FBXW7: variants seen among roughly 807,000 people sequenced by gnomAD.
FBXW7 encodes F-box/WD repeat-containing protein 7.
In FBXW7, 11 loss-of-function variants were observed where a neutral mutation model predicts 86.3. That is an observed-to-expected ratio of 0.13 (90% confidence interval 0.08 to 0.21). FBXW7 has a LOEUF of 0.21. FBXW7 is among the 10% of genes least tolerant of loss of function. The pLI is 1.00. For synonymous variants in FBXW7, 313 were observed against 297.9 expected (o/e 1.05, Z -0.52); for missense variants, 488 against 847.4 (o/e 0.58, Z 5.27).
intron 2 of FBXW7, among the ~76,000 whole-genome samples, chr4:152,467,388 G>C (rs2149644485): frequency 6.6e-6 from 1 of 152,292 alleles, no homozygotes; most frequent in African/African-American, 2.4e-5. Context: ...GAGGAACTGT[G>C]AGTCAATTAA....
At chr4:152,387,708 C>CTTTTTTTTTTTTTTTTTTTTT (rs34073737) in intron 4 of FBXW7, among the ~76,000 whole-genome samples, 1 of 112,796 alleles carries the variant, frequency 8.9e-6, no homozygotes, top group African/African-American at 3.5e-5. Flanking sequence ...CATGGCATAC[C>CTTTTTTTTTTTTTTTTTTTTT]TTTTTTTTTT....
chr4:152,410,737 G>T (rs547524938), intron 4 of FBXW7, among the ~76,000 whole-genome samples: 1 of 152,118 alleles, frequency 6.6e-6, no homozygotes. Context: ...CAGACATTAT[G>T]TTAATGTCTA....
chr4:152,492,544 A>G (rs1341136734), intron 2 of FBXW7, among the ~76,000 whole-genome samples: 1 of 152,174 alleles, frequency 6.6e-6, no homozygotes, highest in East Asian at 1.9e-4. Flanking sequence ...TGTAGTTGAC[A>G]GTCTTTTTAA....
At chr4:152,376,555 G>A (rs1734536195) in intron 4 of FBXW7, among the ~76,000 whole-genome samples, 1 of 151,882 alleles carries the variant, frequency 6.6e-6, no homozygotes, top group South Asian at 2.1e-4. Context: ...CAACAAATTA[G>A]GTTATGGACT....
intron 2 of FBXW7, among the ~76,000 whole-genome samples, chr4:152,428,028 TAA>T (rs1009607276): frequency 6.6e-6 from 1 of 152,132 alleles, no homozygotes; most frequent in African/African-American, 2.4e-5. Flanking sequence ...TCTTGCCACC[TAA>T]AAAGAGTTGA....
chr4:152,405,671 T>A (rs1270212145), intron 4 of FBXW7, among the ~76,000 whole-genome samples: 1 of 152,176 alleles, frequency 6.6e-6, no homozygotes, highest in East Asian at 1.9e-4. Context: ...GCTCTTAACG[T>A]TTTTAAACAC....
intron 2 of FBXW7, among the ~76,000 whole-genome samples, chr4:152,462,209 T>C (rs920238052): frequency 6.6e-6 from 1 of 152,240 alleles, no homozygotes; most frequent in African/African-American, 2.4e-5. Context: ...TCTGATGTTA[T>C]CTTGCTTTCA....
At chr4:152,458,251 C>T (rs1402183965) in intron 2 of FBXW7, among the ~76,000 whole-genome samples, 2 of 152,164 alleles carry the variant, frequency 1.3e-5, no homozygotes, top group African/African-American at 4.8e-5. Flanking sequence ...AACTCCCGAC[C>T]TCGTGATCCG....
At chr4:152,324,577 T>C (rs994615233) in intron 12 of FBXW7, 183 bp from the exon 13 acceptor site, 5 of 571,284 alleles carry the variant, frequency 8.8e-6, no homozygotes, top group African/African-American at 5.7e-5. Flanking sequence ...CTACAATGTA[T>C]GTTCTCACAC....
At chr4:152,523,508 C>A (rs938060171) in intron 2 of FBXW7, among the ~76,000 whole-genome samples, 2 of 152,088 alleles carry the variant, frequency 1.3e-5, no homozygotes, top group Admixed American at 6.6e-5. Context: ...GGAGGAGCAA[C>A]ATCTCTCTGA....
At chr4:152,382,277 C>T (rs763783421) in intron 4 of FBXW7, 4 of 1,603,426 alleles carry the variant, frequency 2.5e-6, no homozygotes, top group South Asian at 2.3e-5. Context: ...CTCTTTTGCA[C>T]TTTTAAGATC....
chr4:152,487,029 T>C (rs1198487614), intron 2 of FBXW7, among the ~76,000 whole-genome samples: 1 of 152,144 alleles, frequency 6.6e-6, no homozygotes, highest in Non-Finnish European at 1.5e-5. Context: ...AATAATGGAT[T>C]TTAGTTCACC....
chr4:152,449,559 A>G (rs1741721965), intron 2 of FBXW7, among the ~76,000 whole-genome samples: 1 of 152,202 alleles, frequency 6.6e-6, no homozygotes, highest in Admixed American at 6.5e-5. Flanking sequence ...AATGAGAAAA[A>G]AGGACATATG....
At chr4:152,417,653 C>G (rs367810505) in intron 2 of FBXW7, among the ~76,000 whole-genome samples, 19 of 152,102 alleles carry the variant, frequency 1.2e-4, no homozygotes, top group Middle Eastern at 3.4e-3. Context: ...CCTGTGGGTG[C>G]GTAACACAGT....
At chr4:152,500,147 C>T (rs1356219258) in intron 2 of FBXW7, among the ~76,000 whole-genome samples, 1 of 152,164 alleles carries the variant, frequency 6.6e-6, no homozygotes, top group Non-Finnish European at 1.5e-5. Flanking sequence ...TCTTCCAGAC[C>T]TCTTAGTAGA....
At chr4:152,341,945 A>G (rs1286003282) in intron 6 of FBXW7, among the ~76,000 whole-genome samples, 1 of 152,226 alleles carries the variant, frequency 6.6e-6, no homozygotes, top group Non-Finnish European at 1.5e-5. Flanking sequence ...TAATTAGGTT[A>G]CAATTTAACC....
chr4:152,412,000 A>G, intron 3 of FBXW7, 128 bp from the exon 4 acceptor site: 1 of 827,834 alleles, frequency 1.2e-6, no homozygotes, highest in Non-Finnish European at 1.7e-6. Flanking sequence ...CCAAGGCATT[A>G]AAATGTTCTT....
chr4:152,419,829 C>A (rs1738785603), intron 2 of FBXW7, among the ~76,000 whole-genome samples: 2 of 152,124 alleles, frequency 1.3e-5, no homozygotes, highest in South Asian at 4.2e-4. Context: ...AATGTACATA[C>A]CTTAATTTAA....
chr4:152,366,439 T>C (rs1733483998), intron 4 of FBXW7, among the ~76,000 whole-genome samples: 1 of 152,324 alleles, frequency 6.6e-6, no homozygotes. Context: ...ATTTTATTTA[T>C]TCATAGTTAT....
Sources: allele counts gnomAD v4.1 joint callset (sites outside exome capture counted in the v4.1 genomes callset), GRCh38; gene constraint gnomAD v4.1.1; transcripts MANE v1.5; gene names NCBI Gene and HGNC (gene_info 2026-07-23, HGNC 2026-07-21).